PCDHGB6: variants seen among roughly 807,000 people sequenced by gnomAD.
The protein encoded by PCDHGB6 is protocadherin gamma-B6.
A neutral mutation model predicts 59.1 loss-of-function variants in PCDHGB6; 51 were observed. That is an observed-to-expected ratio of 0.86 (90% CI 0.69 to 1.09). The LOEUF (loss-of-function observed/expected upper bound fraction) is 1.09. PCDHGB6 is among the 50% of genes least tolerant of loss of function. PCDHGB6 has a pLI of 0.00. For missense variants in PCDHGB6, 1,148 were observed against 1,205.1 expected, an observed-to-expected ratio of 0.95 and a Z score of 0.70; for synonymous variants, 466 against 495.1, an observed-to-expected ratio of 0.94 and a Z score of 0.78.
chr5:141,418,579 A>G (rs1561774780), intron 1 of PCDHGB6: 1 of 1,614,000 alleles, frequency 6.2e-7, no homozygotes, highest in Admixed American at 1.7e-5. Flanking sequence ...ACAACCCCCC[A>G]GTGTTCAGCC....
intron 3 of PCDHGB6, among the ~76,000 whole-genome samples, chr5:141,507,790 A>C (rs922507228): frequency 5.9e-5 from 9 of 152,188 alleles, no homozygotes; most frequent in Admixed American, 2.6e-4. Context: ...ACCCTCGTCT[A>C]AGCCTGCGCC....
Position 141,432,530 on chromosome 5 carries a change from G to C in PCDHGB6, c.2418+21910G>C. On this transcript the variant is annotated intron_variant, in intron 1 of 3. Transcript: ENST00000520790. This position sits in a 1 kb window ranked among gnomAD's most constrained non-coding sequence, Gnocchi z 6.0. ...AGAGCCCGGCTACCTGGTGACCAAG[G>C]TGGTGGCGGTGGACAGAGACTCCGG... 6.2e-7 allele frequency: 1 copy of C among 1,614,076 alleles called. No homozygotes were observed. Among genetic ancestry groups the C allele is most frequent in the South Asian group, 1.1e-5 (1 of 91,082 alleles).
Position 141,491,300 on chromosome 5 carries a change from G to A in PCDHGB6, c.2419-3507G>A, listed in dbSNP as rs2099710472. On this transcript the variant is annotated intron_variant, in intron 1 of 3. Coordinates refer to ENST00000520790, the MANE Select transcript of PCDHGB6 (RefSeq NM_018926.3). This position sits in a 1 kb window ranked among gnomAD's most constrained non-coding sequence, Gnocchi z 6.9. ...GACTTCCTCATACACCCTCCTGAGC[G>A]TTCAGACCTTACCCTTTACCTCATT... 1 of 1,614,136 alleles carries A rather than the reference G, an allele frequency of 6.2e-7. No homozygotes were observed. The highest frequency in any genetic ancestry group is 1.1e-5 in the South Asian group (1 of 91,086).
chr5:141,478,146 T>C (rs1457995929), intron 1 of PCDHGB6: 1 of 1,613,978 alleles, frequency 6.2e-7, no homozygotes, highest in Non-Finnish European at 8.5e-7. Context: ...CGAGCCGAGT[T>C]CCCCTCTGGC....
intron 1 of PCDHGB6, among the ~76,000 whole-genome samples, chr5:141,472,980 C>CA (rs60579131): frequency 0.042 from 3,623 of 85,966 alleles, 71 homozygotes; most frequent in South Asian, 0.079. Context: ...GAGTGAAACT[C>CA]AAAAAAAAAA....
At position 141,490,524 on chromosome 5, in the gene PCDHGB6, T is replaced by C. The variant is rs1197866164; in HGVS notation, c.2419-4283T>C. The C allele has an allele frequency of 1.2e-6, 2 of 1,613,990 alleles. No homozygotes were observed. Among genetic ancestry groups the C allele is most frequent in the Non-Finnish European group, 1.7e-6 (2 of 1,180,018 alleles). On this transcript the variant is annotated intron_variant, in intron 1 of 3. Transcript: ENST00000520790. The surrounding 1 kb of genome is among the most constrained non-coding windows in gnomAD (Gnocchi z 5.4). ...ATATCATCGAGCTGCTGGCCAGCGA[T>C]GCTGGTTCACCTTCCCTACACAAAC...
chr5:141,460,833 T>G (rs541553903), intron 1 of PCDHGB6, among the ~76,000 whole-genome samples: 2 of 151,928 alleles, frequency 1.3e-5, no homozygotes, highest in African/African-American at 4.8e-5. Flanking sequence ...ACACTTAAAG[T>G]AATGGCCTCC....
In PCDHGB6 at chr5:141,487,476, A is replaced by G; in HGVS notation, c.2419-7331A>G. Reference sequence around the variant, plus strand: ...ATCAAGTTTGTTGATGTGGGAGGCCACTCTCATGGCTGTACACCCTTGGCT... The same window carrying G: ...ATCAAGTTTGTTGATGTGGGAGGCCGCTCTCATGGCTGTACACCCTTGGCT... On this transcript the variant is annotated intron_variant, in intron 1 of 3. Transcript: ENST00000520790. The surrounding 1 kb of genome is among the most constrained non-coding windows in gnomAD (Gnocchi z 5.0). The G allele has an allele frequency of 6.2e-7, 1 of 1,614,004 alleles. No homozygotes were observed. Among genetic ancestry groups the G allele is most frequent in the Non-Finnish European group, 8.5e-7 (1 of 1,180,002 alleles).
intron 1 of PCDHGB6, among the ~76,000 whole-genome samples, chr5:141,455,519 G>T (rs1439363688): frequency 1.3e-5 from 2 of 152,158 alleles, no homozygotes; most frequent in East Asian, 3.9e-4. Flanking sequence ...TCAGGGGATT[G>T]GTTTGACCAG....
chr5:141,480,710 T>C (rs1174000425), intron 1 of PCDHGB6, among the ~76,000 whole-genome samples: 1 of 152,042 alleles, frequency 6.6e-6, no homozygotes, highest in East Asian at 1.9e-4. Context: ...CCCCGACAAA[T>C]GAAAGCACAG....
At chr5:141,457,318 C>T (rs990268003) in intron 1 of PCDHGB6, among the ~76,000 whole-genome samples, 3 of 152,238 alleles carry the variant, frequency 2.0e-5, no homozygotes, top group South Asian at 2.1e-4. Context: ...AAGAAACCTC[C>T]GGGTTACAGG....
intron 1 of PCDHGB6, chr5:141,479,468 T>C (rs1473966646): frequency 1.3e-5 from 2 of 152,248 alleles, no homozygotes; most frequent in African/African-American, 4.8e-5. Context: ...TACAGTGACC[T>C]CTTGGGAGGG....
At chr5:141,417,517 T>C (rs2096127273) in intron 1 of PCDHGB6, 1 of 255,788 alleles carries the variant, frequency 3.9e-6, no homozygotes, top group East Asian at 7.9e-5. Flanking sequence ...ATATTTTGGC[T>C]GTCAACTCGT....
chr5:141,489,900 A>G lies in PCDHGB6; in HGVS notation c.2419-4907A>G, dbSNP rs963522810. The stretch of plus-strand genomic sequence containing the variant: ...TTACTGCTGTGGATGGGGGGACCCC[A>G]GCCCGCTCAGGGACCACCCTTATCT... On this transcript the variant is annotated intron_variant, in intron 1 of 3. Transcript: ENST00000520790. The surrounding 1 kb of genome is among the most constrained non-coding windows in gnomAD (Gnocchi z 4.5). The G allele has an allele frequency of 1.9e-6, 3 of 1,614,254 alleles. No homozygotes were observed. The highest frequency in any genetic ancestry group is 1.7e-5 in the Admixed American group (1 of 60,026).
Position 141,483,381 on chromosome 5 carries a change from G to T in PCDHGB6, c.2419-11426G>T, listed in dbSNP as rs147887550. ...AAGCTATTGCAATATTTGAAGAGAA[G>T]ATTGATAAATGCTTGAACCAGCACA... On this transcript the variant is annotated intron_variant, in intron 1 of 3. Transcript: ENST00000520790. 2.0e-3 allele frequency among the ~76,000 whole-genome samples: 305 copies of T among 152,292 alleles called. 2 individuals are homozygous for T. Among genetic ancestry groups the T allele is most frequent in the African/African-American group, 6.9e-3 (286 of 41,558 alleles).
chr5:141,473,362 C>A (rs2099320242), intron 1 of PCDHGB6, among the ~76,000 whole-genome samples: 1 of 152,166 alleles, frequency 6.6e-6, no homozygotes, highest in Admixed American at 6.5e-5. Context: ...AAGTGGCCAC[C>A]AAAATAGCAT....
chr5:141,492,602 C>G (rs1352851783), intron 1 of PCDHGB6, among the ~76,000 whole-genome samples: 2 of 152,222 alleles, frequency 1.3e-5, no homozygotes, highest in Non-Finnish European at 2.9e-5. Flanking sequence ...GAGCGACTGC[C>G]GCTCTAAGTG....
At chr5:141,440,887 G>C (rs1423303973) in intron 1 of PCDHGB6, 4 of 152,206 alleles carry the variant, frequency 2.6e-5, no homozygotes, top group Non-Finnish European at 5.9e-5. Context: ...TCGGCCTTCA[G>C]GAAGATGTGC....
intron 1 of PCDHGB6, among the ~76,000 whole-genome samples, chr5:141,434,748 C>T (rs932613622): frequency 2.0e-5 from 3 of 151,818 alleles, no homozygotes; most frequent in African/African-American, 7.3e-5. Flanking sequence ...CTATGAGACC[C>T]CTGATTCCCC....
Sources: allele counts gnomAD v4.1 joint callset (sites outside exome capture counted in the v4.1 genomes callset), GRCh38; gene constraint gnomAD v4.1.1; non-coding constraint Gnocchi (gnomAD v3.1); transcripts MANE v1.5; gene names NCBI Gene and HGNC (gene_info 2026-07-23, HGNC 2026-07-21).